The following DENND6A variants were observed in gnomAD, a reference collection of about 807,000 sequenced individuals.
The protein encoded by DENND6A is protein DENND6A.
Under a neutral mutation model 95.5 loss-of-function variants are expected in DENND6A, and 43 were observed. The observed-to-expected ratio is 0.45, with a 90% CI of 0.35 to 0.58. The LOEUF (loss-of-function observed/expected upper bound fraction) is 0.58. Ranked by LOEUF, DENND6A falls within the 20% of genes least tolerant of loss-of-function variation. DENND6A has a pLI of 0.00. For missense variants in DENND6A, 574 were observed against 736.0 expected (o/e 0.78, Z 2.55); for synonymous variants, 257 against 260.4 (o/e 0.99, Z 0.13).
chr3:57,631,752 T>A lies in DENND6A; in HGVS notation c.1354-774A>T, dbSNP rs376767081. On this transcript the variant is annotated intron_variant, in intron 15 of 19. Transcript: ENST00000311128. ...TTTTTTTTTTTTTTGAGACGGAGTC[T>A]CACTCTTTCGCCCAAGCTGGACTGC... Among the ~76,000 whole-genome samples, 4 of 129,552 alleles carry A rather than the reference T, an allele frequency of 3.1e-5. No individual in the cohort carries two copies. In the East Asian group the frequency reaches 7.6e-4, roughly 25 times the overall value. 85.0% of individuals were successfully genotyped at this position (129,552 alleles called of 152,430 possible). A position where few individuals can be genotyped will look rare whatever the true frequency, so the allele number is the denominator to read the frequency against.
rs777183540 is a variant in DENND6A at position 57,628,829 on chromosome 3, C to T, written c.1677G>A (p.Leu559=). The T allele has an allele frequency of 2.2e-5, 35 of 1,611,948 alleles. 1 individual carries two copies. In the Admixed American group the frequency reaches 5.4e-4, roughly 25 times the overall value. ...TACATACCAGCTTATTTTTCAGCTT[C>T]AAGACAAGGTCTACTGTTTCTACTT... is the stretch of plus-strand genomic sequence containing the variant. ...HTEVETVDLV[L]KLKNKLLQAD... is the part of the protein sequence containing the mutation. The change falls in exon 19 of 20, where the codon TTG becomes TTA. Residue 559 remains leucine (L), a synonymous_variant. Transcript: ENST00000311128.
rs184205287 is a variant in DENND6A at position 57,632,215 on chromosome 3, G to A, written c.1353+1050C>T. ...TTTGTATTTTTAGTAGAGACGAGACGGGGTTTCACCGTGTTAGCCAGGATG... is the reference window on the plus strand; with the variant it reads ...TTTGTATTTTTAGTAGAGACGAGACAGGGTTTCACCGTGTTAGCCAGGATG... On this transcript the variant is annotated intron_variant, in intron 15 of 19. Transcript: ENST00000311128. Among the ~76,000 whole-genome samples the A allele has an allele frequency of 2.6e-3, 393 of 149,830 alleles. 2 individuals are homozygous for A. Among genetic ancestry groups the A allele is most frequent in the African/African-American group, 9.2e-3 (376 of 40,718 alleles).
At chr3:57,662,186 T>C (rs2071434746) in intron 5 of DENND6A, among the ~76,000 whole-genome samples, 1 of 14,770 alleles carries the variant, frequency 6.8e-5, no homozygotes, top group African/African-American at 1.6e-4. Context: ...TTCTTTTTTC[T>C]TTTTTTTTTT....
chr3:57,661,681 T>C, intron 5 of DENND6A, 130 bp from the exon 6 acceptor site: 1 of 674,922 alleles, frequency 1.5e-6, no homozygotes, highest in Non-Finnish European at 2.4e-6. Flanking sequence ...CAGTGGATAG[T>C]TAAAAGGAAA....
chr3:57,650,912 G>A (rs1194258573), intron 9 of DENND6A, among the ~76,000 whole-genome samples: 1 of 151,790 alleles, frequency 6.6e-6, no homozygotes, highest in East Asian at 1.9e-4. Context: ...AGCATCCAGA[G>A]TAGCTGGGAT....
At chr3:57,682,875 G>A (rs1049659442) in intron 1 of DENND6A, among the ~76,000 whole-genome samples, 10 of 151,940 alleles carry the variant, frequency 6.6e-5, no homozygotes, top group Admixed American at 4.6e-4. Flanking sequence ...ACGGAGTTTC[G>A]CCATGTTGGC....
At chr3:57,689,785 G>C (rs2077243853) in intron 1 of DENND6A, among the ~76,000 whole-genome samples, 1 of 152,132 alleles carries the variant, frequency 6.6e-6, no homozygotes, top group Non-Finnish European at 1.5e-5. Flanking sequence ...GAGAAGGGCT[G>C]GGCATGGTGG....
rs2070573093 is a variant in DENND6A at position 57,628,150 on chromosome 3, T to C, written c.*64A>G. 6.4e-7 allele frequency: 1 copy of C among 1,563,642 alleles called. No homozygotes were observed. Among genetic ancestry groups the C allele is most frequent in the South Asian group, 1.2e-5 (1 of 82,762 alleles). On this transcript the variant is annotated 3_prime_UTR_variant, in exon 20 of 20. Coordinates refer to ENST00000311128, the MANE Select transcript of DENND6A (RefSeq NM_152678.3). Reference sequence around the variant, plus strand: ...CACTGAGAGATCTCCTTTGTGCGTCTGGTTGAAATGTCAGTATGCTTCATG... The same window carrying C: ...CACTGAGAGATCTCCTTTGTGCGTCCGGTTGAAATGTCAGTATGCTTCATG...
intron 1 of DENND6A, among the ~76,000 whole-genome samples, chr3:57,674,650 A>G (rs1480017535): frequency 1.3e-5 from 2 of 152,200 alleles, no homozygotes; most frequent in Admixed American, 1.3e-4. Context: ...AAAAATAAAT[A>G]AATAAGATAA....
At chr3:57,649,559 C>A (rs2071150656) in intron 9 of DENND6A, among the ~76,000 whole-genome samples, 1 of 150,448 alleles carries the variant, frequency 6.6e-6, no homozygotes, top group East Asian at 1.9e-4. Flanking sequence ...CTTGCACATG[C>A]ATGTTTATAG....
At chr3:57,631,498 G>A (rs985577350) in intron 15 of DENND6A, among the ~76,000 whole-genome samples, 1 of 151,320 alleles carries the variant, frequency 6.6e-6, no homozygotes, top group African/African-American at 2.4e-5. Flanking sequence ...CCAACAACGC[G>A]GTCCATTTTT....
At chr3:57,670,298 A>G (rs371261598) in intron 3 of DENND6A, among the ~76,000 whole-genome samples, 252 of 152,346 alleles carry the variant, frequency 1.7e-3, no homozygotes, top group African/African-American at 5.6e-3. Context: ...CTTCAGAGAA[A>G]AAAAGTAAAA....
intron 18 of DENND6A, 59 bp downstream of exon 18, chr3:57,630,362 C>A (rs1224818942): frequency 7.0e-7 from 1 of 1,427,790 alleles, no homozygotes; most frequent in Non-Finnish European, 9.5e-7. Flanking sequence ...AACTTCTAAG[C>A]ATAATTATCT....
intron 3 of DENND6A, among the ~76,000 whole-genome samples, chr3:57,670,562 G>C (rs2071598956): frequency 6.6e-6 from 1 of 152,200 alleles, no homozygotes; most frequent in Admixed American, 6.5e-5. Flanking sequence ...GTATGGGAAA[G>C]GGAAGGGGTG....
At chr3:57,637,802 A>G (rs1437271971) in intron 12 of DENND6A, among the ~76,000 whole-genome samples, 1 of 61,054 alleles carries the variant, frequency 1.6e-5, no homozygotes, top group Non-Finnish European at 4.7e-5. Context: ...GAACAGAAGA[A>G]AACAAAAAAA....
At chr3:57,640,848 G>A (rs2153413148) in intron 12 of DENND6A, among the ~76,000 whole-genome samples, 1 of 152,074 alleles carries the variant, frequency 6.6e-6, no homozygotes, top group Middle Eastern at 3.4e-3. Context: ...CTTAATTAAT[G>A]TACCATTTAG....
chr3:57,672,342 T>A (rs2071632406), intron 2 of DENND6A, 44 bp from the exon 3 acceptor site: 1 of 1,609,016 alleles, frequency 6.2e-7, no homozygotes, highest in Admixed American at 1.7e-5. Context: ...ACATACATAA[T>A]CAATAAAAAC....
chr3:57,673,213 C>CAAAAAAAAAAAAAA (rs386396751), intron 1 of DENND6A, among the ~76,000 whole-genome samples: 2 of 70,700 alleles, frequency 2.8e-5, no homozygotes, highest in African/African-American at 7.0e-5. Flanking sequence ...CATTTCGTAT[C>CAAAAAAAAAAAAAA]AAAAAAAAAA....
rs541605795 is a variant in DENND6A, at chr3:57,661,306, G to A, written c.619+140C>T. The A allele has an allele frequency of 5.2e-5, 34 of 651,912 alleles. No homozygotes were observed. The Admixed American group carries it at 1.2e-3, about 22-fold the overall frequency. The allele number at this position is 651,912 out of a possible 1,614,324, so 40.4% of individuals were successfully genotyped here. Reference sequence around the variant, plus strand: ...TGCAGGTACAGATGCCAGAAAAATAGTTTTATACCTTTCTCCTATCATATA... The same window carrying A: ...TGCAGGTACAGATGCCAGAAAAATAATTTTATACCTTTCTCCTATCATATA... On this transcript the variant is annotated intron_variant, in intron 6 of 19. Coordinates refer to ENST00000311128, the MANE Select transcript of DENND6A (RefSeq NM_152678.3).
Sources: gnomAD v4.1 joint callset for allele counts (sites outside exome capture counted in the v4.1 genomes callset) on GRCh38, gnomAD v4.1.1 for gene constraint, MANE v1.5 for transcripts, NCBI Gene and HGNC (gene_info 2026-07-23, HGNC 2026-07-21) for gene names.